Variants in STK10 observed in about 807,000 individuals in gnomAD.
STK10 encodes the protein serine/threonine kinase 10, also known as serine/threonine-protein kinase 10.
In STK10, 78 loss-of-function variants were observed where a neutral mutation model predicts 113.8. The ratio of observed to expected loss-of-function variants is 0.69; its 90% CI spans 0.57 to 0.83. The LOEUF is 0.83. Among genes scored for constraint, STK10 ranks in the 40% least tolerant of loss-of-function variants. The probability of loss-of-function intolerance (pLI) is 0.00; values close to 1 mark genes in which losing one functional copy is unlikely to be tolerated. For synonymous variants in STK10, 465 were observed against 494.7 expected, an observed-to-expected ratio of 0.94 and a Z score of 0.80; for missense variants, 1,109 against 1,280.1, an observed-to-expected ratio of 0.87 and a Z score of 2.04.
chr5:172,048,414 T>TACACACACACAC (rs370301917), intron 18 of STK10, among the ~76,000 whole-genome samples: 23,210 of 128,134 alleles, frequency 0.18, 2,621 homozygotes, highest in African/African-American at 0.2. Context: ...TCCCTCTCCC[T>TACACACACACAC]ACACACACAC....
rs528205139 is a variant in STK10, at chr5:172,122,918, C to T, written c.370+4455G>A. On this transcript the variant is annotated intron_variant, in intron 3 of 18. Transcript: ENST00000176763. ...GATTACAGGCGTGAGCCACCGCGCC[C>T]GGCCAAGACCCAAGATGTTTAATAG... 8.5e-4 allele frequency among the ~76,000 whole-genome samples: 129 copies of T among 152,284 alleles called. 3 individuals carry two copies. In the South Asian group the frequency reaches 0.025, roughly 29 times the overall value.
chr5:172,079,006 A>C (rs1768373984), intron 12 of STK10, among the ~76,000 whole-genome samples: 1 of 152,106 alleles, frequency 6.6e-6, no homozygotes, highest in Admixed American at 6.6e-5. Flanking sequence ...CAGGGCGCAG[A>C]GCCAAGGAGG....
At position 172,090,312 on chromosome 5, in the gene STK10, C is replaced by T. The variant is rs1768670581; in HGVS notation, c.1605G>A (p.Val535=). The change falls in exon 10 of 19, where the codon GTG becomes GTA. Residue 535 remains valine, a synonymous_variant. Coordinates refer to ENST00000176763, the MANE Select transcript of STK10 (RefSeq NM_005990.4). ...KTLKRTRKFV[V]DGVEVSITTS... ...TGGTGATGCTCACCTCCACACCATC[C>T]ACCACAAATTTGCGTGTCCGCTTGA... is the stretch of plus-strand genomic sequence containing the variant. The T allele has an allele frequency of 6.2e-7, 1 of 1,614,096 alleles. No homozygotes were observed.
At chr5:172,117,740 C>T (rs748376770) in intron 3 of STK10, 110 bp from the exon 4 acceptor site, 17 of 1,458,042 alleles carry the variant, frequency 1.2e-5, no homozygotes, top group East Asian at 7.0e-5. Context: ...TTAGGCCAGG[C>T]GTGGTGGCTC....
At chr5:172,144,397 C>T (rs1295839532) in intron 2 of STK10, among the ~76,000 whole-genome samples, 1 of 152,178 alleles carries the variant, frequency 6.6e-6, no homozygotes, top group Admixed American at 6.5e-5. Context: ...CTCTCCAATA[C>T]AGCACAGAAG....
chr5:172,064,906 C>T, intron 12 of STK10, 94 bp from the exon 13 acceptor site: 1 of 1,397,774 alleles, frequency 7.2e-7, no homozygotes, highest in African/African-American at 1.4e-5. Context: ...GCCAGAGAAA[C>T]CAAAGAAGAG....
intron 2 of STK10, among the ~76,000 whole-genome samples, chr5:172,152,621 C>G (rs1437948158): frequency 6.6e-6 from 1 of 152,180 alleles, no homozygotes; most frequent in Non-Finnish European, 1.5e-5. Flanking sequence ...ATGTATTATT[C>G]CATTCTCTTC....
intron 1 of STK10, among the ~76,000 whole-genome samples, chr5:172,175,579 C>T (rs756291731): frequency 1.1e-4 from 17 of 151,582 alleles, no homozygotes; most frequent in Non-Finnish European, 2.4e-4. Flanking sequence ...ACTTCCTGTG[C>T]TAGTCCTGCC....
In STK10 at chr5:172,156,323, A is replaced by T. The variant is rs183966190; in HGVS notation, c.321+301T>A. Among the ~76,000 whole-genome samples, 200 of 152,360 alleles carry T rather than the reference A, an allele frequency of 1.3e-3. 1 individual carries two copies. Among genetic ancestry groups the T allele is most frequent in the African/African-American group, 4.6e-3 (191 of 41,592 alleles). The stretch of plus-strand genomic sequence containing the variant: ...ATTAGCCCCACCTTACAGATGGAGA[A>T]ACTAAGGCATGGAGAGGTTAGGAAC... On this transcript the variant is annotated intron_variant, in intron 2 of 18. Transcript: ENST00000176763.
chr5:172,044,963 G>A lies in STK10; in HGVS notation c.2826C>T (p.Ser942=), dbSNP rs757404665. 38 of 1,614,040 alleles carry A rather than the reference G, an allele frequency of 2.4e-5. No homozygotes were observed. In the East Asian group the frequency reaches 2.7e-4, roughly 11 times the overall value. ...AGGGGTTTGGGCACTCCGCCTCCTC[G>A]CTCAGCTTGAAGAACATCTCCTGCT... ...KREQEMFFKL[S]EEAECPNPST... The change falls in exon 19 of 19, where the codon AGC becomes AGT. Residue 942 remains serine, a synonymous_variant. Transcript: ENST00000176763. The surrounding 1 kb of genome is among the most constrained non-coding windows in gnomAD (Gnocchi z 4.5).
intron 2 of STK10, among the ~76,000 whole-genome samples, chr5:172,151,653 A>G (rs1725725295): frequency 6.6e-6 from 1 of 152,026 alleles, no homozygotes; most frequent in African/African-American, 2.4e-5. Context: ...CCACTTCACA[A>G]TTTTATATCC....
chr5:172,174,743 C>A (rs892157075), intron 1 of STK10, among the ~76,000 whole-genome samples: 4 of 152,084 alleles, frequency 2.6e-5, no homozygotes, highest in Non-Finnish European at 5.9e-5. Flanking sequence ...GAGGAGGAGC[C>A]AGCTGTACAG....
chr5:172,119,788 C>T lies in STK10; in HGVS notation c.371-2158G>A, dbSNP rs980684360. On this transcript the variant is annotated intron_variant, in intron 3 of 18. Transcript: ENST00000176763. ...CTGAGGCAGGAGAATGGCGTGAACC[C>T]GGGAGGCAGAGCTTGCAGTGAGCGG... is the stretch of plus-strand genomic sequence containing the variant. 7.4e-5 allele frequency among the ~76,000 whole-genome samples: 11 copies of T among 147,908 alleles called. No individual in the cohort carries two copies. In the East Asian group the frequency reaches 7.8e-4, roughly 10 times the overall value.
In STK10 at chr5:172,082,258, G is replaced by T; in HGVS notation, c.1989+68C>A. The T allele has an allele frequency of 7.0e-7, 1 of 1,428,058 alleles. No homozygotes were observed. The allele number at this position is 1,428,058 out of a possible 1,614,324, so 88.5% of individuals were successfully genotyped here. ...GCTGCCAAGGTGAGGTTGAGGCCACGATCACTTGCAACCAAGAAGGCCCCT... is the reference window on the plus strand; with the variant it reads ...GCTGCCAAGGTGAGGTTGAGGCCACTATCACTTGCAACCAAGAAGGCCCCT... On this transcript the variant is annotated intron_variant, in intron 12 of 18. Transcript: ENST00000176763. The surrounding 1 kb of genome is among the most constrained non-coding windows in gnomAD (Gnocchi z 4.3).
At chr5:172,184,510 A>G (rs1770917719) in intron 1 of STK10, among the ~76,000 whole-genome samples, 1 of 152,034 alleles carries the variant, frequency 6.6e-6, no homozygotes, top group South Asian at 2.1e-4. Context: ...TAGGTAATAG[A>G]TTGTTCAGGT....
chr5:172,166,148 G>A lies in STK10; in HGVS notation c.157-9360C>T, dbSNP rs189964467. 7.2e-5 allele frequency among the ~76,000 whole-genome samples: 11 copies of A among 152,242 alleles called. No homozygotes were observed. The East Asian group carries it at 7.7e-4, about 11-fold the overall frequency. On this transcript the variant is annotated intron_variant, in intron 1 of 18. Coordinates refer to ENST00000176763, the MANE Select transcript of STK10 (RefSeq NM_005990.4). ...GACAGCAGCTTTTTCTTTCTCTGGC[G>A]CTGCTAAATCGGTAGAATGAAAGGC...
At chr5:172,110,110 C>T (rs372736860) in intron 4 of STK10, among the ~76,000 whole-genome samples, 3 of 152,196 alleles carry the variant, frequency 2.0e-5, no homozygotes, top group African/African-American at 7.2e-5. Flanking sequence ...AGACACTAGC[C>T]GGGATCAGAG....
chr5:172,123,483 A>G (rs1425120181), intron 3 of STK10, among the ~76,000 whole-genome samples: 1 of 152,152 alleles, frequency 6.6e-6, no homozygotes, highest in Non-Finnish European at 1.5e-5. Context: ...GACACAGTAC[A>G]CTTCCATGCC....
chr5:172,127,024 G>A lies in STK10; in HGVS notation c.370+349C>T, dbSNP rs559679005. Reference sequence around the variant, plus strand: ...TCTACTAAAAATACAAAAACAAGCCGTGCGTGGTGGCACGGACCTGTAATC... The same window carrying A: ...TCTACTAAAAATACAAAAACAAGCCATGCGTGGTGGCACGGACCTGTAATC... On this transcript the variant is annotated intron_variant, in intron 3 of 18. Coordinates refer to ENST00000176763, the MANE Select transcript of STK10 (RefSeq NM_005990.4). Among the ~76,000 whole-genome samples, 9 of 152,144 alleles carry A rather than the reference G, an allele frequency of 5.9e-5. 1 individual carries two copies. Among genetic ancestry groups the A allele is most frequent in the African/African-American group, 1.4e-4 (6 of 41,502 alleles).
Sources: gnomAD v4.1 joint callset for allele counts (sites outside exome capture counted in the v4.1 genomes callset) on GRCh38, gnomAD v4.1.1 for gene constraint, Gnocchi (gnomAD v3.1) non-coding constraint, MANE v1.5 for transcripts, NCBI Gene and HGNC (gene_info 2026-07-23, HGNC 2026-07-21) for gene names.